The following MED23 variants were observed in gnomAD, a reference collection of about 807,000 sequenced individuals.
The protein encoded by MED23 is mediator complex subunit 23.
In MED23, 105 loss-of-function variants were observed where a neutral mutation model predicts 163.9. The observed-to-expected ratio is 0.64, with a 90% CI of 0.55 to 0.75. The LOEUF (loss-of-function observed/expected upper bound fraction) is 0.75, where lower values mean the gene tolerates loss of function less well. Ranked by LOEUF, MED23 falls within the 30% of genes least tolerant of loss-of-function variation. The pLI is 0.00. For missense variants in MED23, 1,054 were observed against 1,649.0 expected, an observed-to-expected ratio of 0.64 and a Z score of 6.25; for synonymous variants, 561 against 565.6, an observed-to-expected ratio of 0.99 and a Z score of 0.12.
At chr6:131,575,796 A>C (rs542424700) in intron 30 of MED23, among the ~76,000 whole-genome samples, 10 of 152,292 alleles carry the variant, frequency 6.6e-5, no homozygotes, top group African/African-American at 2.4e-4. Flanking sequence ...CCCTTGGAGG[A>C]AGAGTGTTAG....
At chr6:131,604,714 G>A (rs916741929) in intron 14 of MED23, among the ~76,000 whole-genome samples, 1 of 152,158 alleles carries the variant, frequency 6.6e-6, no homozygotes, top group South Asian at 2.1e-4. Flanking sequence ...ATGGGGCTTT[G>A]CTCAAATCTG....
In MED23 at chr6:131,581,367, CTAAAAGGAAAGGTAAAAGACTGGTTGG is replaced by C; in HGVS notation, c.4095+6315_4095+6341del. On this transcript the variant is annotated intron_variant, in intron 30 of 30. Coordinates refer to the MED23 transcript ENST00000354577. ...ACCTGTATCTTTCCTCCTGAAGGAA[CTAAAAGGAAAGGTAAAAGACTGGTTGG>C]TACTCTAGTGCAATAGAATACTTTT... 1 of 1,612,858 alleles carries C rather than the reference CTAAAAGGAAAGGTAAAAGACTGGTTGG, an allele frequency of 6.2e-7. No homozygotes were observed. The highest frequency in any genetic ancestry group is 8.5e-7 in the Non-Finnish European group (1 of 1,179,426).
chr6:131,589,678 C>T, intron 27 of MED23, 82 bp from the exon 28 acceptor site: 1 of 1,296,864 alleles, frequency 7.7e-7, no homozygotes, highest in Non-Finnish European at 1.1e-6. Flanking sequence ...TCCATTACAA[C>T]ACTAGCACCG....
chr6:131,581,246 T>C lies in MED23; in HGVS notation c.4095+6463A>G, dbSNP rs200458963. ...TGGCAATTGGAAGCATCTCTGGCCATGCCAGGGTCCACCCTGATCTTGGAG... is the reference window on the plus strand; with the variant it reads ...TGGCAATTGGAAGCATCTCTGGCCACGCCAGGGTCCACCCTGATCTTGGAG... On this transcript the variant is annotated intron_variant, in intron 30 of 30. Transcript: ENST00000354577. The C allele has an allele frequency of 1.2e-5, 19 of 1,613,924 alleles. No homozygotes were observed. The African/African-American group carries it at 2.0e-4, about 17-fold the overall frequency.
At chr6:131,607,907 T>A (rs760100313) in intron 12 of MED23, 21 bp downstream of exon 12, 3 of 1,612,572 alleles carry the variant, frequency 1.9e-6, no homozygotes, top group Non-Finnish European at 2.5e-6. Context: ...TTGTTATGAA[T>A]AGTTACTCAG....
chr6:131,620,780 C>G, intron 6 of MED23, 51 bp from the exon 7 acceptor site: 1 of 1,049,430 alleles, frequency 9.5e-7, no homozygotes, highest in South Asian at 1.5e-5. Flanking sequence ...CACATATAAG[C>G]CCTTTATTTT....
At chr6:131,581,541 G>A (rs1245631115) in intron 30 of MED23, among the ~76,000 whole-genome samples, 1 of 152,186 alleles carries the variant, frequency 6.6e-6, no homozygotes, top group African/African-American at 2.4e-5. Context: ...AAGGCAGTGA[G>A]GCTCTCTATC....
chr6:131,624,980 C>T lies in MED23; in HGVS notation c.169G>A (p.Glu57Lys), dbSNP rs1585578114. ...FWGGLSQESH[E>K]QCIQWIVKFI... is the part of the protein sequence containing the mutation. ...TTAACAATCCACTGGATACACTGTT[C>T]ATGAGACTCCTGGAAAATGAGAGAA... is the stretch of plus-strand genomic sequence containing the variant. Residue 57 changes from glutamate (E) to lysine (K), a missense_variant, in exon 4 of 29, where the codon GAA (glutamate) becomes AAA (lysine). Coordinates refer to ENST00000368068, the MANE Select transcript of MED23 (RefSeq NM_004830.4). The T allele has an allele frequency of 6.2e-7, 1 of 1,613,484 alleles. No individual in the cohort carries two copies. The highest frequency in any genetic ancestry group is 2.2e-5 in the East Asian group (1 of 44,864).
At chr6:131,602,960 G>A in intron 16 of MED23, 70 bp downstream of exon 16, 1 of 1,474,548 alleles carries the variant, frequency 6.8e-7, no homozygotes, top group Non-Finnish European at 9.5e-7. Flanking sequence ...TAAAGGTAAA[G>A]GATTAAGAAC....
intron 13 of MED23, among the ~76,000 whole-genome samples, chr6:131,606,253 TA>T (rs566771739): frequency 1.6e-4 from 23 of 148,062 alleles, no homozygotes; most frequent in Admixed American, 4.7e-4. Context: ...CCTTAAAAAT[TA>T]AAAAAAAAAA....
chr6:131,576,909 A>G (rs1233985841), intron 30 of MED23, among the ~76,000 whole-genome samples: 7 of 152,142 alleles, frequency 4.6e-5, no homozygotes, highest in South Asian at 2.1e-4. Context: ...AATGCTCAGG[A>G]AACATTGCTG....
At chr6:131,621,730 G>A (rs565297190) in intron 6 of MED23, 151 bp downstream of exon 6, 1 of 475,600 alleles carries the variant, frequency 2.1e-6, no homozygotes, top group Non-Finnish European at 3.8e-6. Flanking sequence ...GAAATATAAG[G>A]GAACTAGCAT....
At chr6:131,586,304 G>A (rs1489641656), downstream of MED23, among the ~76,000 whole-genome samples, 2 of 152,016 alleles carry the variant, frequency 1.3e-5, no homozygotes, top group African/African-American at 4.8e-5. Flanking sequence ...GGAGGCTGAG[G>A]CAGGAGAATG....
chr6:131,625,331 T>C (rs965426277), intron 3 of MED23, among the ~76,000 whole-genome samples: 2 of 152,246 alleles, frequency 1.3e-5, no homozygotes, highest in African/African-American at 4.8e-5. Flanking sequence ...TTATGGCATA[T>C]ATAAATATTA....
intron 10 of MED23, chr6:131,615,187 T>A (rs1585546228): frequency 3.6e-6 from 2 of 557,360 alleles, no homozygotes; most frequent in East Asian, 6.6e-5. Context: ...AGAAATCGTT[T>A]TTTAGTGGCC....
chr6:131,588,002 A>G (rs1035132512), intron 28 of MED23, among the ~76,000 whole-genome samples, 156 bp from the exon 29 acceptor site: 5 of 152,238 alleles, frequency 3.3e-5, no homozygotes, highest in Non-Finnish European at 7.3e-5. Flanking sequence ...TAAGAAAAGC[A>G]GATACAATGA....
intron 27 of MED23, 137 bp from the exon 28 acceptor site, chr6:131,589,733 C>T (rs1774449018): frequency 1.3e-6 from 1 of 775,596 alleles, no homozygotes; most frequent in Admixed American, 2.0e-5. Context: ...CCATATACAC[C>T]TCTATGCACA....
chr6:131,578,098 G>C (rs1302962104), intron 30 of MED23, among the ~76,000 whole-genome samples: 1 of 151,658 alleles, frequency 6.6e-6, no homozygotes, highest in East Asian at 1.9e-4. Flanking sequence ...TACCTCTAAA[G>C]GGGCAGGATG....
At chr6:131,612,891 G>A (rs1384554032) in intron 10 of MED23, among the ~76,000 whole-genome samples, 1 of 152,058 alleles carries the variant, frequency 6.6e-6, no homozygotes, top group South Asian at 2.1e-4. Context: ...GGTACTTGAC[G>A]CTTTTCATGT....
Sources: gnomAD v4.1 joint callset for allele counts (sites outside exome capture counted in the v4.1 genomes callset) on GRCh38, gnomAD v4.1.1 for gene constraint, MANE v1.5 for transcripts, NCBI Gene and HGNC (gene_info 2026-07-23, HGNC 2026-07-21) for gene names.